The following ACOXL variants were observed in gnomAD, a reference collection of about 807,000 sequenced individuals.
ACOXL encodes acyl-CoA oxidase like, also known as acyl-coenzyme A oxidase-like protein.
Under a neutral mutation model 71.9 loss-of-function variants are expected in ACOXL, and 70 were observed. The ratio of observed to expected loss-of-function variants is 0.97; its 90% CI spans 0.80 to 1.19. ACOXL has a LOEUF of 1.19. Ranked by LOEUF, ACOXL falls within the 50% of genes most tolerant of loss-of-function variation. The pLI is 0.00. For synonymous variants in ACOXL, 253 were observed against 281.6 expected, an observed-to-expected ratio of 0.90 and a Z score of 1.02; for missense variants, 703 against 736.3, an observed-to-expected ratio of 0.95 and a Z score of 0.52.
At chr2:110,891,037 A>T (rs905411251) in intron 10 of ACOXL, among the ~76,000 whole-genome samples, 8 of 148,768 alleles carry the variant, frequency 5.4e-5, no homozygotes, top group Middle Eastern at 3.2e-3. Context: ...CTTAGCAGCT[A>T]TTATAAATGG....
intron 12 of ACOXL, among the ~76,000 whole-genome samples, chr2:110,970,679 A>T (rs1285898362): frequency 6.6e-6 from 1 of 152,188 alleles, no homozygotes; most frequent in Non-Finnish European, 1.5e-5. Flanking sequence ...AGAAATAAAA[A>T]CTGTAGCTTT....
chr2:111,021,322 C>T (rs772183610), intron 14 of ACOXL, among the ~76,000 whole-genome samples: 1 of 152,180 alleles, frequency 6.6e-6, no homozygotes, highest in Non-Finnish European at 1.5e-5. Flanking sequence ...TCTCTTTCTC[C>T]GTGGGAAACA....
intron 11 of ACOXL, among the ~76,000 whole-genome samples, chr2:110,913,879 G>T (rs2059741396): frequency 6.6e-6 from 1 of 152,124 alleles, no homozygotes; most frequent in Non-Finnish European, 1.5e-5. Flanking sequence ...ACTCAGTACA[G>T]TGAGGACACC....
intron 9 of ACOXL, among the ~76,000 whole-genome samples, chr2:110,807,627 G>A (rs1236251983): frequency 6.6e-6 from 1 of 152,202 alleles, no homozygotes; most frequent in African/African-American, 2.4e-5. Context: ...TTGTCAGGCA[G>A]TGGGAAGACC....
At chr2:110,956,290 T>A (rs2061498422) in intron 12 of ACOXL, among the ~76,000 whole-genome samples, 1 of 152,174 alleles carries the variant, frequency 6.6e-6, no homozygotes, top group South Asian at 2.1e-4. Context: ...ATGGCTGTAG[T>A]TCACTATGGG....
chr2:110,765,341 T>C (rs1680912962), intron 1 of ACOXL, among the ~76,000 whole-genome samples: 1 of 152,204 alleles, frequency 6.6e-6, no homozygotes, highest in Non-Finnish European at 1.5e-5. Context: ...TAGGGGAAGT[T>C]TTTAGCTATT....
intron 10 of ACOXL, among the ~76,000 whole-genome samples, chr2:110,871,236 G>A (rs1002655226): frequency 6.6e-6 from 1 of 152,070 alleles, no homozygotes; most frequent in Non-Finnish European, 1.5e-5. Context: ...ATGGGGATCT[G>A]GCTTTGTTTA....
chr2:110,772,674 T>A (rs1237637284), intron 2 of ACOXL, among the ~76,000 whole-genome samples: 1 of 151,630 alleles, frequency 6.6e-6, no homozygotes, highest in Non-Finnish European at 1.5e-5. Context: ...TTTATCCCCA[T>A]GATCCACACG....
At chr2:110,980,815 G>A (rs190163022) in intron 12 of ACOXL, among the ~76,000 whole-genome samples, 2 of 152,178 alleles carry the variant, frequency 1.3e-5, no homozygotes, top group South Asian at 2.1e-4. Flanking sequence ...CGCTCTGCCC[G>A]CGGCCCTGAA....
chr2:110,821,692 C>T (rs888352881), intron 9 of ACOXL, among the ~76,000 whole-genome samples: 2 of 152,176 alleles, frequency 1.3e-5, no homozygotes, highest in Non-Finnish European at 2.9e-5. Context: ...AGTTATGTTC[C>T]ACCTCCTCAA....
rs147361609 is a variant in ACOXL at position 111,089,983 on chromosome 2, C to T, written c.1441-2882C>T. 1.1e-3 allele frequency among the ~76,000 whole-genome samples: 170 copies of T among 152,244 alleles called. 1 individual carries two copies. Among genetic ancestry groups the T allele is most frequent in the African/African-American group, 3.9e-3 (162 of 41,540 alleles). ...AAACCAAGTGTTAAGAGGAGATTGA[C>T]GATCTGTTGAGGCTGATCATCCTGA... On this transcript the variant is annotated intron_variant, in intron 16 of 17. Transcript: ENST00000439055.
intron 17 of ACOXL, among the ~76,000 whole-genome samples, chr2:111,108,663 C>T (rs984666615): frequency 6.6e-6 from 1 of 152,220 alleles, no homozygotes. Flanking sequence ...TGGCGTGAGC[C>T]ACCATGCCCG....
intron 12 of ACOXL, among the ~76,000 whole-genome samples, chr2:110,943,319 GAA>G (rs1303232400): frequency 6.7e-6 from 1 of 149,596 alleles, no homozygotes; most frequent in Non-Finnish European, 1.5e-5. Flanking sequence ...AAGAGAAAAA[GAA>G]AAAGAAGGAA....
At chr2:110,864,198 C>G (rs528271865) in intron 10 of ACOXL, among the ~76,000 whole-genome samples, 1 of 152,236 alleles carries the variant, frequency 6.6e-6, no homozygotes, top group East Asian at 1.9e-4. Flanking sequence ...TGACTTTGGT[C>G]AAATCTGTTC....
intron 16 of ACOXL, among the ~76,000 whole-genome samples, chr2:111,059,591 G>T (rs563417989): frequency 6.6e-6 from 1 of 152,084 alleles, no homozygotes; most frequent in African/African-American, 2.4e-5. Context: ...TGGACATTAC[G>T]TTTAAAACAA....
intron 11 of ACOXL, among the ~76,000 whole-genome samples, chr2:110,926,018 G>A (rs940270866): frequency 6.6e-6 from 1 of 152,024 alleles, no homozygotes; most frequent in Admixed American, 6.6e-5. Flanking sequence ...GGAGAGAGAC[G>A]GGGAAATGGC....
chr2:110,908,642 T>G, intron 10 of ACOXL, 147 bp from the exon 11 acceptor site: 2 of 647,304 alleles, frequency 3.1e-6, no homozygotes, highest in Non-Finnish European at 5.5e-6. Context: ...TAGGCTGTCT[T>G]GCCCTAACCA....
chr2:111,088,626 A>T (rs1000028159), intron 16 of ACOXL, among the ~76,000 whole-genome samples: 1 of 152,116 alleles, frequency 6.6e-6, no homozygotes, highest in Admixed American at 6.6e-5. Flanking sequence ...CACCGGGGCC[A>T]ACCTTAGGGT....
At chr2:110,735,097 A>G (rs1676667089) in intron 1 of ACOXL, among the ~76,000 whole-genome samples, 2 of 152,316 alleles carry the variant, frequency 1.3e-5, no homozygotes, top group East Asian at 1.9e-4. Context: ...TATTTACTTT[A>G]TAGTTCAGAG....
Sources: allele counts gnomAD v4.1 joint callset (sites outside exome capture counted in the v4.1 genomes callset), GRCh38; gene constraint gnomAD v4.1.1; transcripts MANE v1.5; gene names NCBI Gene and HGNC (gene_info 2026-07-23, HGNC 2026-07-21).